The following BCORL1 variants were observed in gnomAD, a reference collection of about 807,000 sequenced individuals.
The protein encoded by BCORL1 is BCL-6 corepressor-like protein 1.
BCORL1 carries 7 observed loss-of-function variants against 87.6 expected under a neutral mutation model. That is an observed-to-expected ratio of 0.08 (90% CI 0.05 to 0.15). The LOEUF (loss-of-function observed/expected upper bound fraction) is 0.15. Among genes scored for constraint, BCORL1 ranks in the 10% least tolerant of loss-of-function variants. BCORL1 has a pLI of 1.00. For missense variants in BCORL1, 1,215 were observed against 1,499.7 expected, an observed-to-expected ratio of 0.81 and a Z score of 3.13; for synonymous variants, 591 against 634.4, an observed-to-expected ratio of 0.93 and a Z score of 1.03.
At chrX:129,988,659 C>G (rs1455572552) in intron 1 of BCORL1, among the ~76,000 whole-genome samples, 3 of 111,403 alleles carry the variant, frequency 2.7e-5, no homozygotes, top group Non-Finnish European at 5.6e-5. Context: ...GCTGAAGGTC[C>G]GTGAGGAATC....
At chrX:130,044,096 G>A (rs1931584627) in intron 11 of BCORL1, among the ~76,000 whole-genome samples, 1 of 106,539 alleles carries the variant, frequency 9.4e-6, no homozygotes, top group Non-Finnish European at 1.9e-5. Context: ...AGTAGAGACG[G>A]GGTTCACCAT....
At chrX:130,019,258 G>A (rs1338036013) in intron 4 of BCORL1, among the ~76,000 whole-genome samples, 1 of 112,228 alleles carries the variant, frequency 8.9e-6, no homozygotes, top group African/African-American at 3.2e-5. Flanking sequence ...GAGCCACCGC[G>A]CCCTGCTAGA....
intron 1 of BCORL1, among the ~76,000 whole-genome samples, chrX:129,998,098 GT>G (rs1349663518): frequency 9.1e-6 from 1 of 109,575 alleles, no homozygotes; most frequent in Non-Finnish European, 1.9e-5. Context: ...TATCTTTTGA[GT>G]TTTTTCCCCC....
chrX:130,013,563 C>T lies in BCORL1; in HGVS notation c.791C>T (p.Ser264Leu). ...CCGGCTCTGGCTCCAGCGCCACCGT[C>T]AGTGCCCACGCTCATCTCTGACTCG... The part of the protein sequence containing the change: ...PVPALAPAPP[S>L]VPTLISDSNP... The change falls in exon 4 of 14, where the codon TCA becomes TTA. Residue 264 changes from serine to leucine, a missense_variant. Physicochemically the swap from Ser to Leu is moderately radical, Grantham distance 145 (BLOSUM62 -2). Transcript: ENST00000540052. 8.3e-7 allele frequency: 1 copy of T among 1,211,626 alleles called. No individual in the cohort carries two copies. The highest frequency in any genetic ancestry group is 1.1e-6 in the Non-Finnish European group (1 of 895,488).
chrX:130,045,608 TTTATTTATTTATTTAC>T (rs1378525946), intron 11 of BCORL1, among the ~76,000 whole-genome samples: 1 of 109,726 alleles, frequency 9.1e-6, no homozygotes, highest in African/African-American at 3.3e-5. Flanking sequence ...GCTTTTTATT[TTTATTTATTTATTTAC>T]TTATTTATTT....
intron 11 of BCORL1, among the ~76,000 whole-genome samples, chrX:130,049,183 A>T (rs777813739): frequency 8.4e-4 from 94 of 112,071 alleles, no homozygotes; most frequent in Non-Finnish European, 1.5e-3. Context: ...TTGCTAGGTC[A>T]TATGGTAATG....
chrX:130,000,596 T>C (rs1927967646), intron 1 of BCORL1, among the ~76,000 whole-genome samples: 1 of 112,045 alleles, frequency 8.9e-6, no homozygotes, highest in Non-Finnish European at 1.9e-5. Flanking sequence ...CAGACAGATG[T>C]TATAGCTGGT....
rs921699067 is a variant in BCORL1 at position 130,015,992 on chromosome X, G to A, written c.3220G>A (p.Ala1074Thr). Reference protein sequence around the residue: ...TCFRADGLPVAPQRGQAEVRA... With the variant: ...TCFRADGLPVTPQRGQAEVRA... ...CTTCCGGGCTGATGGCCTCCCAGTG[G>A]CTCCCCAGAGGGGCCAAGCTGAAGT... Residue 1074 changes from alanine to threonine, a missense_variant, in exon 4 of 14, where the codon GCT (alanine) becomes ACT (threonine). By Grantham distance (58) the Ala-to-Thr change is moderately conservative. This residue lies in a region of BCORL1 where 861 missense variants were observed against 1,010.0 expected (regional missense o/e 0.85). Coordinates refer to ENST00000540052, the MANE Select transcript of BCORL1 (RefSeq NM_001379451.1). 4.1e-6 allele frequency: 5 copies of A among 1,210,064 alleles called. No homozygotes were observed. In the African/African-American group the frequency reaches 8.7e-5, roughly 21 times the overall value.
intron 11 of BCORL1, among the ~76,000 whole-genome samples, chrX:130,046,564 T>G: frequency 9.2e-6 from 1 of 108,525 alleles, no homozygotes; most frequent in Non-Finnish European, 1.9e-5. Flanking sequence ...TTTTTTTTTT[T>G]GAGACGGAGT....
chrX:130,034,425 C>T lies in BCORL1; in HGVS notation c.4306-30C>T, dbSNP rs1373752165. ...GGATGGATAAGCTGCCTGGCCTGAC[C>T]TGACCTAGGACTGCATCTCTGCTTT... is the stretch of plus-strand genomic sequence containing the variant. On this transcript the variant is annotated intron_variant, in intron 8 of 13. Coordinates refer to ENST00000540052, the MANE Select transcript of BCORL1 (RefSeq NM_001379451.1). 5 of 965,077 alleles carry T rather than the reference C, an allele frequency of 5.2e-6. No homozygotes were observed. In the African/African-American group the frequency reaches 1.0e-4, roughly 19 times the overall value. 79.5% of individuals were successfully genotyped at this position (965,077 alleles called of 1,213,427 possible).
chrX:129,980,907 G>A (rs1926051149), upstream of BCORL1, among the ~76,000 whole-genome samples: 1 of 110,109 alleles, frequency 9.1e-6, no homozygotes, highest in Non-Finnish European at 1.9e-5. Flanking sequence ...GAGGGCGAGG[G>A]GAGGGAGAGC....
intron 13 of BCORL1, among the ~76,000 whole-genome samples, chrX:130,052,968 C>T (rs960216130): frequency 9.0e-6 from 1 of 111,121 alleles, no homozygotes; most frequent in Admixed American, 9.6e-5. Flanking sequence ...ATGGTGAAAC[C>T]TCGTCTACTA....
In BCORL1 at chrX:130,014,818, C is replaced by T. The variant is rs1929275066; in HGVS notation, c.2046C>T (p.Ser682=). The T allele has an allele frequency of 3.3e-6, 4 of 1,211,591 alleles. No homozygotes were observed. The highest frequency in any genetic ancestry group is 4.5e-6 in the Non-Finnish European group (4 of 895,433). ...AGGNVTSCLG[S]TSSPFVIFPE... is the part of the protein sequence containing the mutation. ...GCAATGTCACCTCCTGCCTGGGCTC[C>T]ACTTCCTCGCCCTTTGTCATCTTTC... The change falls in exon 4 of 14, where the codon TCC becomes TCT. Residue 682 remains serine, a synonymous_variant. Transcript: ENST00000540052.
Position 130,013,957 on chromosome X carries a change from A to C in BCORL1, c.1185A>C (p.Thr395=), listed in dbSNP as rs758568184. The C allele has an allele frequency of 1.4e-5, 17 of 1,187,152 alleles. No individual in the cohort carries two copies. The highest frequency in any genetic ancestry group is 2.3e-5 in the Admixed American group (1 of 42,637). ...TPAPIFTPAP[T]PMPAATPAAI... ...CCCCCATCTTTACTCCAGCCCCTAC[A>C]CCCATGCCTGCTGCCACGCCAGCTG... Residue 395 remains threonine (T), a synonymous_variant, in exon 4 of 14, where the codon ACA becomes ACC. Coordinates refer to ENST00000540052, the MANE Select transcript of BCORL1 (RefSeq NM_001379451.1).
chrX:130,003,962 T>C, intron 1 of BCORL1, among the ~76,000 whole-genome samples: 1 of 112,093 alleles, frequency 8.9e-6, no homozygotes, highest in Non-Finnish European at 1.9e-5. Flanking sequence ...TGTGATTTAC[T>C]TTGGAAAGTG....
chrX:130,023,422 C>A (rs1035704572), intron 6 of BCORL1, among the ~76,000 whole-genome samples: 4 of 111,771 alleles, frequency 3.6e-5, no homozygotes, highest in Non-Finnish European at 5.6e-5. Flanking sequence ...CTGGCAGAAT[C>A]ACATTTGGCT....
intron 1 of BCORL1, among the ~76,000 whole-genome samples, chrX:129,983,752 A>G (rs778194904): frequency 9.4e-6 from 1 of 106,731 alleles, no homozygotes; most frequent in South Asian, 4.2e-4. Flanking sequence ...AATTGAAGGA[A>G]GATGAGATCG....
chrX:130,012,404 C>T (rs926426028), intron 2 of BCORL1, among the ~76,000 whole-genome samples, 174 bp from the exon 3 acceptor site: 1 of 111,452 alleles, frequency 9.0e-6, no homozygotes, highest in Non-Finnish European at 1.9e-5. Context: ...GTGGCGCCTC[C>T]GCTTTGTAAC....
intron 12 of BCORL1, among the ~76,000 whole-genome samples, chrX:130,051,254 T>C (rs1169187755): frequency 3.5e-5 from 4 of 112,836 alleles, no homozygotes; most frequent in Non-Finnish European, 7.5e-5. Flanking sequence ...GGCCGCAGCT[T>C]TCCTCTCCTG....
Sources: allele counts gnomAD v4.1 joint callset (sites outside exome capture counted in the v4.1 genomes callset), GRCh38; gene constraint gnomAD v4.1.1; regional missense constraint gnomAD v4.1.1; transcripts MANE v1.5; gene names NCBI Gene and HGNC (gene_info 2026-07-23, HGNC 2026-07-21).